The following KDM2B variants were observed in gnomAD, a reference collection of about 807,000 sequenced individuals.
KDM2B encodes the protein lysine-specific demethylase 2B.
Under a neutral mutation model 150.0 loss-of-function variants are expected in KDM2B, and 26 were observed. The observed-to-expected ratio is 0.17, with a 90% CI of 0.13 to 0.24. The LOEUF (loss-of-function observed/expected upper bound fraction) is 0.24, where lower values mean the gene tolerates loss of function less well. Among genes scored for constraint, KDM2B ranks in the 10% least tolerant of loss-of-function variants. The pLI is 1.00. For missense variants in KDM2B, 1,265 were observed against 1,816.9 expected (o/e 0.70, Z 5.52); for synonymous variants, 734 against 729.5 (o/e 1.01, Z -0.10).
the KDM2B span, among the ~76,000 whole-genome samples, chr12:121,421,458 G>A: frequency 1.3e-5 from 2 of 151,296 alleles, no homozygotes; most frequent in Non-Finnish European, 3.0e-5. Flanking sequence ...GAGGCTGAGG[G>A]GGGAGGATTG....
Position 121,532,712 on chromosome 12 carries a change from C to A in KDM2B, c.931+94G>T, listed in dbSNP as rs551310471. The A allele has an allele frequency of 7.3e-6, 10 of 1,361,508 alleles. No homozygotes were observed. The African/African-American group carries it at 1.3e-4, about 18-fold the overall frequency. The allele number at this position is 1,361,508 out of a possible 1,614,324, so 84.3% of individuals were successfully genotyped here. A position where few individuals can be genotyped will look rare whatever the true frequency, so the allele number is the denominator to read the frequency against. On this transcript the variant is annotated intron_variant, in intron 8 of 22. Transcript: ENST00000377071. Reference sequence around the variant, plus strand: ...CGGGGACTGCCAATGGCCTGTCAAACCCACCAGGCCCAGAGCAACCCTCAG... The same window carrying A: ...CGGGGACTGCCAATGGCCTGTCAAAACCACCAGGCCCAGAGCAACCCTCAG...
At chr12:121,458,809 T>G (rs1555293328) in intron 12 of KDM2B, among the ~76,000 whole-genome samples, 1 of 148,434 alleles carries the variant, frequency 6.7e-6, no homozygotes, top group Admixed American at 6.7e-5. Flanking sequence ...CTAAAAAGGC[T>G]GGGCAAGGTG....
In KDM2B at chr12:121,575,921, T is replaced by A; in HGVS notation, c.272-62A>T. On this transcript the variant is annotated intron_variant, in intron 2 of 22. Transcript: ENST00000377071. The surrounding 1 kb of genome is among the most constrained non-coding windows in gnomAD (Gnocchi z 4.4). Reference sequence around the variant, plus strand: ...TCACGAAGGAGCAAATGAACCGGGATCTGTTGGTTAGGGGAAGAAAACTGA... The same window carrying A: ...TCACGAAGGAGCAAATGAACCGGGAACTGTTGGTTAGGGGAAGAAAACTGA... 7.7e-7 allele frequency: 1 copy of A among 1,307,076 alleles called. No homozygotes were observed. The highest frequency in any genetic ancestry group is 1.1e-6 in the Non-Finnish European group (1 of 901,410). The allele number at this position is 1,307,076 out of a possible 1,614,324, so 81.0% of individuals were successfully genotyped here.
intron 11 of KDM2B, among the ~76,000 whole-genome samples, chr12:121,495,899 G>A (rs782637703): frequency 3.3e-5 from 5 of 151,546 alleles, no homozygotes; most frequent in Non-Finnish European, 5.9e-5. Flanking sequence ...TGCGTTGGAC[G>A]GACTGCCAGG....
intron 12 of KDM2B, among the ~76,000 whole-genome samples, chr12:121,480,640 G>A (rs1247319603): frequency 6.7e-6 from 1 of 149,372 alleles, no homozygotes; most frequent in Non-Finnish European, 1.5e-5. Context: ...GTGTGGTGGT[G>A]CACACCTGTA....
intron 6 of KDM2B, among the ~76,000 whole-genome samples, chr12:121,541,187 G>A (rs1222446354): frequency 1.3e-5 from 2 of 151,318 alleles, no homozygotes; most frequent in African/African-American, 2.4e-5. Flanking sequence ...AGCAGAGCTC[G>A]CACCATTGCA....
chr12:121,459,512 A>AG (rs1269793624), intron 12 of KDM2B, among the ~76,000 whole-genome samples: 1 of 152,180 alleles, frequency 6.6e-6, no homozygotes, highest in Non-Finnish European at 1.5e-5. Context: ...GGTGTCAAAA[A>AG]AAAGATAAAT....
intron 6 of KDM2B, among the ~76,000 whole-genome samples, chr12:121,536,628 C>T (rs1204102996): frequency 6.6e-6 from 1 of 151,276 alleles, no homozygotes; most frequent in Non-Finnish European, 1.5e-5. Context: ...AAATATTAGT[C>T]TTCATTTCCC....
At chr12:121,516,196 G>T (rs1005857802) in intron 9 of KDM2B, among the ~76,000 whole-genome samples, 2 of 151,950 alleles carry the variant, frequency 1.3e-5, no homozygotes, top group Non-Finnish European at 2.9e-5. Context: ...CTCTGAAGTC[G>T]GTTTTGACTT....
chr12:121,443,074 G>A (rs782044470), intron 17 of KDM2B, 44 bp from the exon 18 acceptor site: 30 of 1,574,980 alleles, frequency 1.9e-5, no homozygotes, highest in South Asian at 3.4e-5. Context: ...CCCCGGGCTC[G>A]TGGGATTTGG....
At chr12:121,486,333 C>CTTCT (rs1882754099) in intron 12 of KDM2B, among the ~76,000 whole-genome samples, 1 of 59,008 alleles carries the variant, frequency 1.7e-5, no homozygotes, top group African/African-American at 7.8e-5. Context: ...TTTCGAACTC[C>CTTCT]TTTTTTTTTT....
intron 12 of KDM2B, among the ~76,000 whole-genome samples, chr12:121,481,766 TG>T (rs1882176617): frequency 6.7e-6 from 1 of 149,062 alleles, no homozygotes; most frequent in African/African-American, 2.5e-5. Context: ...GGGTTTTTTT[TG>T]TTTGTTTGTT....
intron 12 of KDM2B, among the ~76,000 whole-genome samples, chr12:121,457,270 CT>C (rs1184274416): frequency 6.6e-5 from 10 of 150,584 alleles, no homozygotes; most frequent in Non-Finnish European, 1.0e-4. Context: ...CTTTTCTTTT[CT>C]TTTTTTTTGA....
intron 11 of KDM2B, among the ~76,000 whole-genome samples, chr12:121,505,222 G>A (rs1455815219): frequency 1.3e-5 from 2 of 149,666 alleles, no homozygotes; most frequent in East Asian, 3.9e-4. Flanking sequence ...GGAGGCAGAG[G>A]TTGCAGTAAG....
chr12:121,526,983 G>A (rs1327161437), intron 8 of KDM2B, among the ~76,000 whole-genome samples: 1 of 152,094 alleles, frequency 6.6e-6, no homozygotes, highest in Non-Finnish European at 1.5e-5. Context: ...AGTGAGCCGA[G>A]ATCATGCCAT....
chr12:121,469,456 A>C (rs1880509611), intron 12 of KDM2B: 1 of 151,454 alleles, frequency 6.6e-6, no homozygotes, highest in Non-Finnish European at 1.5e-5. Context: ...GTGTCTACTA[A>C]AAATACAAAA....
At chr12:121,553,851 A>C (rs1373102164) in intron 4 of KDM2B, among the ~76,000 whole-genome samples, 4 of 152,106 alleles carry the variant, frequency 2.6e-5, no homozygotes, top group Non-Finnish European at 5.9e-5. Flanking sequence ...AAAAAGTTCT[A>C]AAATGGACTT....
At position 121,442,061 on chromosome 12, in the gene KDM2B, G is replaced by C. The variant is rs2138064449; in HGVS notation, c.3284+96C>G. The C allele has an allele frequency of 9.7e-7, 1 of 1,029,808 alleles. No individual in the cohort carries two copies. The highest frequency in any genetic ancestry group is 2.0e-5 in the Admixed American group (1 of 49,500). The allele number at this position is 1,029,808 out of a possible 1,614,324, so 63.8% of individuals were successfully genotyped here. On this transcript the variant is annotated intron_variant, in intron 19 of 22. Transcript: ENST00000377071. This position sits in a 1 kb window ranked among gnomAD's most constrained non-coding sequence, Gnocchi z 7.7. ...GCACAATGAAGCCATACTGGGGTTTGGAAGGAAAGAGCATCGCCAGCGACT... is the reference window on the plus strand; with the variant it reads ...GCACAATGAAGCCATACTGGGGTTTCGAAGGAAAGAGCATCGCCAGCGACT...
chr12:121,517,822 AC>A lies in KDM2B; in HGVS notation c.1047+3162del, dbSNP rs1344412160. 2.6e-5 allele frequency among the ~76,000 whole-genome samples: 4 copies of A among 151,822 alleles called. No individual in the cohort carries two copies. The East Asian group carries it at 7.8e-4, about 29-fold the overall frequency. ...GCCACACCATGGAGCTTGGAGACTG[AC>A]CGATGGTTCCCTCTGTCCCACCTCC... On this transcript the variant is annotated intron_variant, in intron 9 of 22. Coordinates refer to ENST00000377071, the MANE Select transcript of KDM2B (RefSeq NM_032590.5).
Sources: allele counts gnomAD v4.1 joint callset (sites outside exome capture counted in the v4.1 genomes callset), GRCh38; gene constraint gnomAD v4.1.1; non-coding constraint Gnocchi (gnomAD v3.1); transcripts MANE v1.5; gene names NCBI Gene and HGNC (gene_info 2026-07-23, HGNC 2026-07-21).